CADM2: variants seen among roughly 807,000 people sequenced by gnomAD.
CADM2 encodes cell adhesion molecule 2.
In CADM2, 12 loss-of-function variants were observed where a neutral mutation model predicts 49.8. That is an observed-to-expected ratio of 0.24 (90% CI 0.15 to 0.39). CADM2 has a LOEUF of 0.39. Among genes scored for constraint, CADM2 ranks in the 10% least tolerant of loss-of-function variants. The pLI is 1.00. For synonymous variants in CADM2, 214 were observed against 175.4 expected (o/e 1.22, Z -1.74); for missense variants, 378 against 492.3 (o/e 0.77, Z 2.20).
At chr3:85,798,755 C>G (rs934963629) in intron 2 of CADM2, among the ~76,000 whole-genome samples, 2 of 151,922 alleles carry the variant, frequency 1.3e-5, no homozygotes, top group Admixed American at 1.3e-4. Flanking sequence ...CATATGGGCT[C>G]TTTTTTGGTT....
intron 1 of CADM2, among the ~76,000 whole-genome samples, chr3:85,376,790 T>C (rs1326275303): frequency 6.6e-6 from 1 of 152,022 alleles, no homozygotes; most frequent in Non-Finnish European, 1.5e-5. Context: ...TACAATTGAG[T>C]AATTTTGCTT....
At chr3:85,305,565 G>A (rs143000914) in intron 1 of CADM2, among the ~76,000 whole-genome samples, 2 of 151,640 alleles carry the variant, frequency 1.3e-5, no homozygotes, top group South Asian at 2.1e-4. Flanking sequence ...CCAATTGAAC[G>A]ATTAAATCTG....
chr3:86,044,031 C>G (rs889372036), intron 8 of CADM2, among the ~76,000 whole-genome samples: 1 of 152,126 alleles, frequency 6.6e-6, no homozygotes, highest in Non-Finnish European at 1.5e-5. Context: ...AAACTGGATC[C>G]CTTCCTTACA....
intron 1 of CADM2, among the ~76,000 whole-genome samples, chr3:85,652,772 C>CTT (rs34756757): frequency 2.0e-4 from 10 of 50,788 alleles, no homozygotes; most frequent in Non-Finnish European, 3.1e-4. Flanking sequence ...TTTTTCTTTT[C>CTT]TTTTTTTTTT....
chr3:85,645,808 G>C (rs898371951), intron 1 of CADM2, among the ~76,000 whole-genome samples: 14 of 151,620 alleles, frequency 9.2e-5, no homozygotes, highest in Non-Finnish European at 1.5e-4. Flanking sequence ...AGAAATAAAA[G>C]ACAACAAAAG....
chr3:85,290,663 C>A (rs1216333850), intron 1 of CADM2, among the ~76,000 whole-genome samples: 1 of 152,160 alleles, frequency 6.6e-6, no homozygotes, highest in Non-Finnish European at 1.5e-5. Context: ...TGGGAGGCAC[C>A]CCCAGCAGGG....
At chr3:85,666,300 A>G (rs1433703594) in intron 1 of CADM2, among the ~76,000 whole-genome samples, 1 of 152,058 alleles carries the variant, frequency 6.6e-6, no homozygotes, top group South Asian at 2.1e-4. Context: ...TTAATATCTC[A>G]CTGCGAAATT....
chr3:85,790,718 T>C (rs1040264739), intron 2 of CADM2, among the ~76,000 whole-genome samples: 15 of 152,212 alleles, frequency 9.9e-5, no homozygotes, highest in African/African-American at 3.6e-4. Flanking sequence ...TCTGGCACTG[T>C]TACACTCTGA....
chr3:85,095,456 A>G (rs2037758695), intron 1 of CADM2, among the ~76,000 whole-genome samples: 1 of 152,090 alleles, frequency 6.6e-6, no homozygotes. Flanking sequence ...CACTTTTTAA[A>G]CATCTAGACC....
At chr3:85,660,501 G>T (rs141367368) in intron 1 of CADM2, among the ~76,000 whole-genome samples, 109 of 151,144 alleles carry the variant, frequency 7.2e-4, no homozygotes, top group African/African-American at 2.4e-3. Flanking sequence ...TGCTTTAAAA[G>T]AGTTCTTTTA....
At chr3:85,362,359 A>T (rs2032421084) in intron 1 of CADM2, among the ~76,000 whole-genome samples, 1 of 152,182 alleles carries the variant, frequency 6.6e-6, no homozygotes, top group Non-Finnish European at 1.5e-5. Flanking sequence ...CTTTTTGAGA[A>T]AATTGCTAGA....
intron 3 of CADM2, among the ~76,000 whole-genome samples, chr3:85,804,483 T>C (rs957597086): frequency 6.6e-6 from 1 of 152,204 alleles, no homozygotes; most frequent in Non-Finnish European, 1.5e-5. Context: ...ACATTTTTTG[T>C]TGTTGTTCAT....
intron 5 of CADM2, among the ~76,000 whole-genome samples, chr3:85,886,533 C>T (rs1713681549): frequency 6.6e-6 from 1 of 151,994 alleles, no homozygotes; most frequent in Non-Finnish European, 1.5e-5. Context: ...TCATTTTCTT[C>T]TTCCGTAAAA....
At chr3:85,130,062 A>G (rs1205142206) in intron 1 of CADM2, among the ~76,000 whole-genome samples, 1 of 152,206 alleles carries the variant, frequency 6.6e-6, no homozygotes, top group Non-Finnish European at 1.5e-5. Context: ...ATCCATTAGG[A>G]AATACATGTG....
chr3:85,456,364 A>G (rs1309152951), intron 1 of CADM2, among the ~76,000 whole-genome samples: 1 of 152,148 alleles, frequency 6.6e-6, no homozygotes, highest in Admixed American at 6.5e-5. Flanking sequence ...ACACAATACT[A>G]TAGCCAGTAT....
At chr3:85,560,247 CGAG>C (rs2062059939) in intron 1 of CADM2, among the ~76,000 whole-genome samples, 1 of 152,156 alleles carries the variant, frequency 6.6e-6, no homozygotes, top group Non-Finnish European at 1.5e-5. Flanking sequence ...TTATTCTGCA[CGAG>C]CAGCAGGTGC....
intron 1 of CADM2, among the ~76,000 whole-genome samples, chr3:85,082,035 A>G (rs1468552126): frequency 6.6e-6 from 1 of 152,152 alleles, no homozygotes; most frequent in East Asian, 1.9e-4. Flanking sequence ...TGGGGCATAT[A>G]TATTATCCAC....
chr3:86,031,503 T>C (rs1734555150), intron 8 of CADM2, among the ~76,000 whole-genome samples: 2 of 151,964 alleles, frequency 1.3e-5, no homozygotes, highest in East Asian at 1.9e-4. Flanking sequence ...CTTGATTATA[T>C]ATGAACATAC....
intron 1 of CADM2, among the ~76,000 whole-genome samples, chr3:85,600,348 G>C (rs2063355413): frequency 6.6e-6 from 1 of 151,882 alleles, no homozygotes; most frequent in Non-Finnish European, 1.5e-5. Context: ...CATTAGGGTA[G>C]GAACAATATC....
Sources: allele counts gnomAD v4.1 joint callset (sites outside exome capture counted in the v4.1 genomes callset), GRCh38; gene constraint gnomAD v4.1.1; transcripts MANE v1.5; gene names NCBI Gene and HGNC (gene_info 2026-07-23, HGNC 2026-07-21).